Variants in MACROD1 observed in about 807,000 individuals in gnomAD.
The protein encoded by MACROD1 is mono-ADP ribosylhydrolase 1.
Under a neutral mutation model 41.4 loss-of-function variants are expected in MACROD1, and 31 were observed. The ratio of observed to expected loss-of-function variants is 0.75; its 90% CI spans 0.56 to 1.01. The LOEUF (loss-of-function observed/expected upper bound fraction) is 1.01. Ranked by LOEUF, MACROD1 falls within the 50% of genes least tolerant of loss-of-function variation. The pLI is 0.00. For synonymous variants in MACROD1, 252 were observed against 203.4 expected, an observed-to-expected ratio of 1.24 and a Z score of -2.03; for missense variants, 473 against 460.0, an observed-to-expected ratio of 1.03 and a Z score of -0.26.
chr11:64,128,965 C>A (rs1434186920), intron 3 of MACROD1, among the ~76,000 whole-genome samples: 1 of 152,248 alleles, frequency 6.6e-6, no homozygotes, highest in Non-Finnish European at 1.5e-5. Flanking sequence ...ATTCTCCAAG[C>A]ACAACAGCCC....
At position 63,998,707 on chromosome 11, in the gene MACROD1, A is replaced by T; in HGVS notation, c.*31-20T>A. ...GCGGGTCTGAGGGCAGAGCAGAGTC[A>T]GAGGTGTCTATGGGCGTCCCCGACC... On this transcript the variant is annotated intron_variant, in intron 10 of 10. Coordinates refer to ENST00000255681, the MANE Select transcript of MACROD1 (RefSeq NM_014067.4). The T allele has an allele frequency of 1.4e-6, 2 of 1,394,318 alleles. No individual in the cohort carries two copies. The highest frequency in any genetic ancestry group is 1.9e-6 in the Non-Finnish European group (2 of 1,078,002). 86.4% of individuals were successfully genotyped at this position (1,394,318 alleles called of 1,614,324 possible). A position where few individuals can be genotyped will look rare whatever the true frequency, so the allele number is the denominator to read the frequency against.
At position 64,015,264 on chromosome 11, in the gene MACROD1, C is replaced by T. The variant is rs771749117; in HGVS notation, c.535G>A (p.Gly179Arg). The T allele has an allele frequency of 1.9e-5, 30 of 1,605,366 alleles. No individual in the cohort carries two copies. Among genetic ancestry groups the T allele is most frequent in the South Asian group, 1.5e-4 (13 of 89,314 alleles). ...AAGGTCCACTCACCGCCACCGCCTC[C>T]GAGCAGGGAGCTGTTGGCTGCAAGA... ...IVNAANSSLLGGGGVDGCIHR... is the reference protein window; with the variant it reads ...IVNAANSSLLRGGGVDGCIHR... Residue 179 changes from glycine (G) to arginine (R), a missense_variant, in exon 4 of 11, where the codon GGA becomes AGA. Transcript: ENST00000255681.
Position 64,062,341 on chromosome 11 carries a change from C to T in MACROD1, c.518-47060G>A, listed in dbSNP as rs149747509. Among the ~76,000 whole-genome samples, 854 of 152,280 alleles carry T rather than the reference C, an allele frequency of 5.6e-3. 5 individuals are homozygous for T. Among genetic ancestry groups the T allele is most frequent in the Admixed American group, 0.012 (191 of 15,310 alleles). On this transcript the variant is annotated intron_variant, in intron 3 of 10. Coordinates refer to ENST00000255681, the MANE Select transcript of MACROD1 (RefSeq NM_014067.4). ...TGGGTGTCTCCCAGAGGGAGTCCTG[C>T]GTCTGTGGCTGGCTCAGACATATGC...
chr11:64,048,143 C>T (rs903461856), intron 3 of MACROD1, among the ~76,000 whole-genome samples: 17 of 152,188 alleles, frequency 1.1e-4, no homozygotes, highest in African/African-American at 4.1e-4. Context: ...AGGGGCCCTG[C>T]CCCCACGACA....
At chr11:64,038,011 G>C (rs907974606) in intron 3 of MACROD1, among the ~76,000 whole-genome samples, 8 of 152,170 alleles carry the variant, frequency 5.3e-5, no homozygotes, top group Non-Finnish European at 1.0e-4. Context: ...TCAGAGGGTC[G>C]GGGGGTCGGA....
intron 3 of MACROD1, among the ~76,000 whole-genome samples, chr11:64,049,945 G>C (rs1464469017): frequency 6.6e-6 from 1 of 152,234 alleles, no homozygotes; most frequent in Non-Finnish European, 1.5e-5. Context: ...ACCTCTCTCA[G>C]AGCCCTCTTG....
Position 64,165,827 on chromosome 11 carries a change from C to G in MACROD1, c.168G>C (p.Arg56=). The G allele has an allele frequency of 6.8e-7, 1 of 1,479,148 alleles. No homozygotes were observed. Among genetic ancestry groups the G allele is most frequent in the Non-Finnish European group, 9.0e-7 (1 of 1,116,468 alleles). The allele number at this position is 1,479,148 out of a possible 1,614,324, so 91.6% of individuals were successfully genotyped here. A position where few individuals can be genotyped will look rare whatever the true frequency, so the allele number is the denominator to read the frequency against. ...CCCACGCCCCAACTCCCGCCGAGGT[C>G]CGCGCACGGCGGCCGAACACGCCCA... ...AFLGVFGRRA[R]TSAGVGAWGA... The change falls in exon 1 of 11, where the codon CGG becomes CGC. Residue 56 remains arginine, a synonymous_variant. Coordinates refer to ENST00000255681, the MANE Select transcript of MACROD1 (RefSeq NM_014067.4).
Position 63,999,350 on chromosome 11 carries a change from A to G in MACROD1, c.872T>C (p.Leu291Pro). The change falls in exon 8 of 11, where the codon CTG becomes CCG. Residue 291 changes from leucine to proline, a missense_variant. By Grantham distance (98) the Leu-to-Pro change is moderately conservative. Transcript: ENST00000255681. ...ACTCACCTTGTCCTTGTGCTGCTCC[A>G]GCCACTCTCGCAGCGTGGCCAGCAC... The part of the protein sequence containing the change: ...EIVLATLREW[L>P]EQHKDKVDRL... 1.3e-6 allele frequency: 2 copies of G among 1,587,828 alleles called. No homozygotes were observed. Among genetic ancestry groups the G allele is most frequent in the South Asian group, 1.1e-5 (1 of 88,514 alleles).
In MACROD1 at chr11:64,120,218, TG is replaced by T. The variant is rs942384469; in HGVS notation, c.517+31020del. On this transcript the variant is annotated intron_variant, in intron 3 of 10. Transcript: ENST00000255681. The surrounding 1 kb of genome is among the most constrained non-coding windows in gnomAD (Gnocchi z 4.5). ...ATGGGCACAGGCTCCCAGCACGGCC[TG>T]GGGGGGCTAGCCCACGAAATAGGTC... is the stretch of plus-strand genomic sequence containing the variant. Among the ~76,000 whole-genome samples the T allele has an allele frequency of 5.9e-5, 9 of 152,050 alleles. No individual in the cohort carries two copies. The highest frequency in any genetic ancestry group is 2.1e-4 in the South Asian group (1 of 4,810).
intron 3 of MACROD1, among the ~76,000 whole-genome samples, chr11:64,086,634 TTCTG>T (rs929099342): frequency 1.3e-5 from 2 of 152,146 alleles, no homozygotes; most frequent in Non-Finnish European, 2.9e-5. Context: ...GCAGCCCCAC[TTCTG>T]TCTGAGACTC....
intron 3 of MACROD1, among the ~76,000 whole-genome samples, chr11:64,041,662 CCA>C (rs1943490063): frequency 6.6e-6 from 1 of 152,108 alleles, no homozygotes; most frequent in African/African-American, 2.4e-5. Flanking sequence ...AGTGGAGGGT[CCA>C]GCCTGCCCAT....
At chr11:64,015,880 C>T (rs559218) in intron 3 of MACROD1, among the ~76,000 whole-genome samples, 11,659 of 152,220 alleles carry the variant, frequency 0.077, 649 homozygotes, top group Non-Finnish European at 0.11. Context: ...GGGTAAGGGG[C>T]CTGGAGCGCT....
chr11:64,046,811 T>C (rs1054200027), intron 3 of MACROD1, among the ~76,000 whole-genome samples: 1 of 152,152 alleles, frequency 6.6e-6, no homozygotes, highest in Non-Finnish European at 1.5e-5. Context: ...GCCCGTTCTT[T>C]AAGCTGTGGA....
chr11:64,049,352 G>A (rs1292460056), intron 3 of MACROD1, among the ~76,000 whole-genome samples: 1 of 152,244 alleles, frequency 6.6e-6, no homozygotes, highest in Non-Finnish European at 1.5e-5. Context: ...AGGCTGTGCT[G>A]TTCACAGCGG....
chr11:64,015,882 T>A (rs532675595), intron 3 of MACROD1, among the ~76,000 whole-genome samples: 1 of 152,284 alleles, frequency 6.6e-6, no homozygotes, highest in Admixed American at 6.5e-5. Flanking sequence ...GTAAGGGGCC[T>A]GGAGCGCTGC....
At chr11:64,148,259 C>T (rs1945523903) in intron 3 of MACROD1, among the ~76,000 whole-genome samples, 1 of 152,134 alleles carries the variant, frequency 6.6e-6, no homozygotes, top group African/African-American at 2.4e-5. Context: ...TGGGAGCTCT[C>T]CCCGCCCCCT....
Position 64,146,016 on chromosome 11 carries a change from C to T in MACROD1, c.517+5223G>A, listed in dbSNP as rs1050262010. 5.3e-5 allele frequency among the ~76,000 whole-genome samples: 8 copies of T among 151,880 alleles called. No homozygotes were observed. Among genetic ancestry groups the T allele is most frequent in the Non-Finnish European group, 7.4e-5 (5 of 67,970 alleles). The stretch of plus-strand genomic sequence containing the variant: ...AACTCCTGACCTCAAGCGATCCGCC[C>T]GCCTCGGCCTCCCAAAGTGCTAGGA... On this transcript the variant is annotated intron_variant, in intron 3 of 10. Coordinates refer to ENST00000255681, the MANE Select transcript of MACROD1 (RefSeq NM_014067.4). The surrounding 1 kb of genome is among the most constrained non-coding windows in gnomAD (Gnocchi z 4.7).
chr11:64,066,566 G>T (rs370619727), intron 3 of MACROD1, among the ~76,000 whole-genome samples: 14 of 151,506 alleles, frequency 9.2e-5, no homozygotes, highest in Non-Finnish European at 1.8e-4. Context: ...CTACAGTGCA[G>T]TATGATCCTA....
At chr11:64,006,796 A>T (rs1180490962) in intron 4 of MACROD1, among the ~76,000 whole-genome samples, 1 of 152,182 alleles carries the variant, frequency 6.6e-6, no homozygotes, top group African/African-American at 2.4e-5. Flanking sequence ...CCAGGGACTT[A>T]GTGCCTCAGT....
Sources: allele counts gnomAD v4.1 joint callset (sites outside exome capture counted in the v4.1 genomes callset), GRCh38; gene constraint gnomAD v4.1.1; non-coding constraint Gnocchi (gnomAD v3.1); transcripts MANE v1.5; gene names NCBI Gene and HGNC (gene_info 2026-07-23, HGNC 2026-07-21).